The following TNFSF4 variants were observed in gnomAD, a reference collection of about 807,000 sequenced individuals.
The protein encoded by TNFSF4 is tumor necrosis factor ligand superfamily member 4.
In TNFSF4, 4 loss-of-function variants were observed where a neutral mutation model predicts 7.3. That is an observed-to-expected ratio of 0.55 (90% CI 0.27 to 1.25). The LOEUF (loss-of-function observed/expected upper bound fraction) is 1.25. TNFSF4 is among the 50% of genes most tolerant of loss of function. TNFSF4 has a pLI of 0.12. For synonymous variants in TNFSF4, 76 were observed against 83.7 expected (o/e 0.91, Z 0.50); for missense variants, 181 against 208.8 (o/e 0.87, Z 0.82).
chr1:173,203,686 GA>G (rs945959667), intron 1 of TNFSF4, among the ~76,000 whole-genome samples: 60 of 151,392 alleles, frequency 4.0e-4, no homozygotes, highest in African/African-American at 1.3e-3. Context: ...GTTCCCAGCT[GA>G]AAAAAAAGTG....
At chr1:173,242,890 T>C in the TNFSF4 span, among the ~76,000 whole-genome samples, 2 of 151,940 alleles carry the variant, frequency 1.3e-5, no homozygotes. Context: ...ATGTTTGTTG[T>C]TTAAAGCCAC....
chr1:173,202,683 T>C (rs900172179), intron 1 of TNFSF4, among the ~76,000 whole-genome samples: 1 of 152,194 alleles, frequency 6.6e-6, no homozygotes, highest in African/African-American at 2.4e-5. Flanking sequence ...TAGGAGAGAA[T>C]GAAGCGTGTT....
the TNFSF4 span, among the ~76,000 whole-genome samples, chr1:173,222,352 G>C: frequency 6.6e-6 from 1 of 152,102 alleles, no homozygotes; most frequent in East Asian, 1.9e-4. Flanking sequence ...AAATGACAAA[G>C]GGAAAAAGTC....
the TNFSF4 span, among the ~76,000 whole-genome samples, chr1:173,266,984 C>G: frequency 6.6e-6 from 1 of 152,114 alleles, no homozygotes; most frequent in Non-Finnish European, 1.5e-5. Context: ...CTCTTGACAT[C>G]TAGTGTTCTC....
chr1:173,215,738 T>A, the TNFSF4 span, among the ~76,000 whole-genome samples: 8 of 152,204 alleles, frequency 5.3e-5, no homozygotes, highest in Non-Finnish European at 1.0e-4. Flanking sequence ...TTTATCCCAA[T>A]CATAGCATGA....
the TNFSF4 span, among the ~76,000 whole-genome samples, chr1:173,390,448 T>C: frequency 6.6e-6 from 1 of 152,178 alleles, no homozygotes; most frequent in Non-Finnish European, 1.5e-5. Flanking sequence ...TTGTATAAAT[T>C]CAACTATGCA....
chr1:173,320,313 G>A, the TNFSF4 span, among the ~76,000 whole-genome samples: 1 of 152,106 alleles, frequency 6.6e-6, no homozygotes. Flanking sequence ...CAATAAACTA[G>A]GTATTGATGA....
the TNFSF4 span, among the ~76,000 whole-genome samples, chr1:173,417,204 T>C: frequency 6.6e-6 from 1 of 152,234 alleles, no homozygotes; most frequent in Non-Finnish European, 1.5e-5. Flanking sequence ...ACACCTCGGT[T>C]TGGGGCCGAG....
the TNFSF4 span, among the ~76,000 whole-genome samples, chr1:173,263,453 A>G: frequency 6.6e-6 from 1 of 152,168 alleles, no homozygotes; most frequent in Non-Finnish European, 1.5e-5. Flanking sequence ...ATTTCTACAA[A>G]TTATTTTTAA....
At chr1:173,196,256 C>A (rs1209185694) in intron 1 of TNFSF4, among the ~76,000 whole-genome samples, 1 of 152,156 alleles carries the variant, frequency 6.6e-6, no homozygotes, top group Non-Finnish European at 1.5e-5. Context: ...TTCAGAAAGA[C>A]TTATCCCAAA....
At chr1:173,357,624 T>G in the TNFSF4 span, among the ~76,000 whole-genome samples, 1 of 152,032 alleles carries the variant, frequency 6.6e-6, no homozygotes, top group Admixed American at 6.6e-5. Flanking sequence ...CTCCACTTCC[T>G]GGGTTCAAGC....
At chr1:173,327,124 A>T in the TNFSF4 span, among the ~76,000 whole-genome samples, 1 of 152,204 alleles carries the variant, frequency 6.6e-6, no homozygotes, top group Non-Finnish European at 1.5e-5. Flanking sequence ...CTATACTACA[A>T]GGCTATAGTA....
the TNFSF4 span, among the ~76,000 whole-genome samples, chr1:173,308,285 C>CTCTGTG: frequency 3.5e-3 from 475 of 135,076 alleles, 9 homozygotes; most frequent in Admixed American, 0.021. Flanking sequence ...CTCTCTCTCT[C>CTCTGTG]TGTGTGTGTG....
chr1:173,368,324 G>C, the TNFSF4 span, among the ~76,000 whole-genome samples: 581 of 152,196 alleles, frequency 3.8e-3, 5 homozygotes, highest in African/African-American at 0.012. Context: ...TCACTGCAAA[G>C]GTCCATGGTT....
At chr1:173,303,198 G>C in the TNFSF4 span, among the ~76,000 whole-genome samples, 3 of 151,808 alleles carry the variant, frequency 2.0e-5, no homozygotes, top group Non-Finnish European at 4.4e-5. Context: ...TCTTTGTTGT[G>C]CTTATCTGGG....
the TNFSF4 span, among the ~76,000 whole-genome samples, chr1:173,218,138 C>T: frequency 6.6e-6 from 1 of 152,262 alleles, no homozygotes; most frequent in East Asian, 1.9e-4. Flanking sequence ...GCCGTCACAC[C>T]TCTCAGTGTG....
At chr1:173,425,299 G>C in the TNFSF4 span, among the ~76,000 whole-genome samples, 4 of 152,310 alleles carry the variant, frequency 2.6e-5, no homozygotes, top group East Asian at 5.8e-4. Flanking sequence ...CTGTTTCTGT[G>C]TGACCATTGA....
upstream of TNFSF4, among the ~76,000 whole-genome samples, chr1:173,207,616 C>A (rs1403553913): frequency 6.6e-6 from 1 of 152,086 alleles, no homozygotes; most frequent in Non-Finnish European, 1.5e-5. Context: ...CTCATATATC[C>A]CTTCCCCAAG....
At chr1:173,218,334 A>G in the TNFSF4 span, among the ~76,000 whole-genome samples, 2 of 151,978 alleles carry the variant, frequency 1.3e-5, no homozygotes, top group African/African-American at 4.8e-5. Flanking sequence ...GCTTGTTCCT[A>G]TGTGCTGTGG....
Sources: gnomAD v4.1 joint callset for allele counts (sites outside exome capture counted in the v4.1 genomes callset) on GRCh38, gnomAD v4.1.1 for gene constraint, MANE v1.5 for transcripts, NCBI Gene and HGNC (gene_info 2026-07-23, HGNC 2026-07-21) for gene names.